Variants in ME1 observed in about 807,000 individuals in gnomAD.
The protein encoded by ME1 is NADP-dependent malic enzyme.
Under a neutral mutation model 66.4 loss-of-function variants are expected in ME1, and 74 were observed. The ratio of observed to expected loss-of-function variants is 1.11; its 90% CI spans 0.92 to 1.35. The LOEUF is 1.35. Among genes scored for constraint, ME1 ranks in the 40% most tolerant of loss-of-function variants. The pLI is 0.00. For missense variants in ME1, 750 were observed against 694.1 expected (o/e 1.08, Z -0.90); for synonymous variants, 251 against 235.6 (o/e 1.07, Z -0.60).
intron 3 of ME1, among the ~76,000 whole-genome samples, chr6:83,373,914 C>A (rs531474131): frequency 1.3e-5 from 2 of 152,316 alleles, no homozygotes; most frequent in African/African-American, 2.4e-5. Flanking sequence ...CCAGCTTCAT[C>A]CATGTCCCTG....
rs755491281 is a variant in ME1 at position 83,237,845 on chromosome 6, G to GA, written c.913-16dup. The GA allele has an allele frequency of 1.1e-5, 16 of 1,470,138 alleles. No homozygotes were observed. The highest frequency in any genetic ancestry group is 1.3e-5 in the Non-Finnish European group (14 of 1,074,244). 91.1% of individuals were successfully genotyped at this position (1,470,138 alleles called of 1,614,324 possible). On this transcript the variant is annotated splice_polypyrimidine_tract_variant and intron_variant, in intron 8 of 13. Transcript: ENST00000369705. ...CCTAGGGCAGCCTCAGTGATGAAAA[G>GA]AAAAAATTTTAAAGTTGTTCTACAT... is the stretch of plus-strand genomic sequence containing the variant.
chr6:83,275,131 C>T (rs1767152943), intron 6 of ME1, among the ~76,000 whole-genome samples: 1 of 152,044 alleles, frequency 6.6e-6, no homozygotes, highest in Admixed American at 6.6e-5. Context: ...GTAAGGAGTT[C>T]AAGACCAGCC....
At chr6:83,246,009 A>G (rs535597657) in intron 7 of ME1, among the ~76,000 whole-genome samples, 1 of 152,060 alleles carries the variant, frequency 6.6e-6, no homozygotes, top group Non-Finnish European at 1.5e-5. Flanking sequence ...TCAGAATGCT[A>G]TTTTCTTTCT....
intron 5 of ME1, among the ~76,000 whole-genome samples, chr6:83,331,491 G>GCAGAGAATTGCTTGAACC (rs1437947122): frequency 1.3e-5 from 2 of 151,626 alleles, no homozygotes; most frequent in Admixed American, 1.3e-4. Context: ...GGAGGCTGAG[G>GCAGAGAATTGCTTGAACC]CAGAGAATTG....
At chr6:83,411,048 A>G (rs897676587) in intron 1 of ME1, among the ~76,000 whole-genome samples, 1 of 152,206 alleles carries the variant, frequency 6.6e-6, no homozygotes, top group Non-Finnish European at 1.5e-5. Context: ...AAATCTAGGG[A>G]ACTGGGCCAA....
intron 5 of ME1, among the ~76,000 whole-genome samples, chr6:83,327,042 G>A (rs918801632): frequency 6.6e-6 from 1 of 152,120 alleles, no homozygotes; most frequent in Non-Finnish European, 1.5e-5. Flanking sequence ...TGTCTTTACT[G>A]CAATCTCTAA....
intron 1 of ME1, among the ~76,000 whole-genome samples, chr6:83,428,037 G>T (rs7770573): frequency 0.36 from 53,187 of 149,712 alleles, 9,748 homozygotes; most frequent in Middle Eastern, 0.49. Context: ...AAAATAAAAA[G>T]ACAAGTTAGT....
At chr6:83,351,205 A>G (rs184782054) in intron 4 of ME1, among the ~76,000 whole-genome samples, 1 of 152,244 alleles carries the variant, frequency 6.6e-6, no homozygotes. Context: ...GACCAGACTG[A>G]GCAACATAGT....
chr6:83,422,145 G>A (rs1013158928), intron 1 of ME1, among the ~76,000 whole-genome samples: 1 of 152,104 alleles, frequency 6.6e-6, no homozygotes, highest in Non-Finnish European at 1.5e-5. Flanking sequence ...TGAGCTAAAC[G>A]TGCATAGATT....
At chr6:83,361,072 T>G (rs1768999112) in intron 3 of ME1, among the ~76,000 whole-genome samples, 1 of 152,248 alleles carries the variant, frequency 6.6e-6, no homozygotes, top group African/African-American at 2.4e-5. Context: ...TGATCACTTT[T>G]CGCTCCTGCA....
chr6:83,235,792 C>A (rs1290242864), intron 9 of ME1, among the ~76,000 whole-genome samples: 1 of 152,048 alleles, frequency 6.6e-6, no homozygotes, highest in Non-Finnish European at 1.5e-5. Flanking sequence ...ATTTTTAAGC[C>A]AAGAAATCCA....
chr6:83,212,500 T>C (rs911483265), intron 13 of ME1, among the ~76,000 whole-genome samples: 14 of 152,130 alleles, frequency 9.2e-5, no homozygotes, highest in Admixed American at 7.2e-4. Context: ...ACAAAATCTC[T>C]TCCTGTACCC....
At chr6:83,293,641 G>A (rs974251619) in intron 6 of ME1, among the ~76,000 whole-genome samples, 11 of 152,140 alleles carry the variant, frequency 7.2e-5, no homozygotes, top group African/African-American at 2.7e-4. Flanking sequence ...TTTTGCCCAG[G>A]AAATCAACTG....
chr6:83,389,102 G>C lies in ME1; in HGVS notation c.362+9265C>G, dbSNP rs1425437740. Among the ~76,000 whole-genome samples the C allele has an allele frequency of 2.0e-5, 3 of 152,144 alleles. No homozygotes were observed. In the East Asian group the frequency reaches 5.8e-4, roughly 29 times the overall value. On this transcript the variant is annotated intron_variant, in intron 3 of 13. Transcript: ENST00000369705. ...CCACTACACTCTAGCCTGGGTGACA[G>C]AGTGAGACTCTGTCTCAAAAGTAAA...
chr6:83,352,339 G>T (rs1390504644), intron 3 of ME1, among the ~76,000 whole-genome samples, 200 bp from the exon 4 acceptor site: 2 of 151,612 alleles, frequency 1.3e-5, no homozygotes, highest in East Asian at 3.9e-4. Flanking sequence ...ATAATATATT[G>T]ACATCTACAA....
At chr6:83,394,819 C>T (rs1769698238) in intron 3 of ME1, among the ~76,000 whole-genome samples, 1 of 151,992 alleles carries the variant, frequency 6.6e-6, no homozygotes, top group African/African-American at 2.4e-5. Context: ...TTTCTTCTTT[C>T]AAAAAGTATT....
chr6:83,315,593 C>T (rs546378972), intron 5 of ME1, among the ~76,000 whole-genome samples, 180 bp from the exon 6 acceptor site: 6 of 152,170 alleles, frequency 3.9e-5, no homozygotes, highest in Non-Finnish European at 8.8e-5. Context: ...AGTATTTATA[C>T]ACCAAATAAG....
chr6:83,396,685 A>T (rs1221170947), intron 3 of ME1, among the ~76,000 whole-genome samples: 1 of 152,210 alleles, frequency 6.6e-6, no homozygotes, highest in East Asian at 1.9e-4. Flanking sequence ...AGGCAAAAAG[A>T]ACAAAGCTAG....
intron 3 of ME1, chr6:83,392,521 C>T (rs1194376098): frequency 3.7e-6 from 2 of 536,912 alleles, no homozygotes; most frequent in Non-Finnish European, 7.3e-6. Flanking sequence ...CATCAATGAC[C>T]CCTTCATTGA....
Sources: allele counts gnomAD v4.1 joint callset (sites outside exome capture counted in the v4.1 genomes callset), GRCh38; gene constraint gnomAD v4.1.1; transcripts MANE v1.5; gene names NCBI Gene and HGNC (gene_info 2026-07-23, HGNC 2026-07-21).